The following NCR1 variants were observed in gnomAD, a reference collection of about 807,000 sequenced individuals.
NCR1 encodes natural cytotoxicity triggering receptor 1, also known as NK cell-activating receptor.
NCR1 carries 30 observed loss-of-function variants against 32.5 expected under a neutral mutation model. That is an observed-to-expected ratio of 0.92 (90% CI 0.69 to 1.25). The LOEUF (loss-of-function observed/expected upper bound fraction) is 1.25, where lower values mean the gene tolerates loss of function less well. Ranked by LOEUF, NCR1 falls within the 50% of genes most tolerant of loss-of-function variation. The pLI is 0.00. For missense variants in NCR1, 369 were observed against 380.7 expected, an observed-to-expected ratio of 0.97 and a Z score of 0.26; for synonymous variants, 169 against 143.4, an observed-to-expected ratio of 1.18 and a Z score of -1.28.
chr19:54,927,563 C>G, the NCR1 span: 21 of 1,554,436 alleles, frequency 1.4e-5, no homozygotes, highest in East Asian at 4.3e-4. Context: ...CTCAAAAAAA[C>G]AAAAACAAAA....
chr19:54,923,375 T>G, the NCR1 span: 1 of 357,250 alleles, frequency 2.8e-6, no homozygotes, highest in Non-Finnish European at 5.4e-6. Context: ...ACATGGCGCC[T>G]GAGTTAGGGA....
the NCR1 span, among the ~76,000 whole-genome samples, chr19:54,930,858 G>C: frequency 4.0e-5 from 6 of 151,876 alleles, no homozygotes; most frequent in Non-Finnish European, 4.4e-5. Context: ...TGGGATTATA[G>C]GTGCCCGCCA....
chr19:54,934,090 C>T, the NCR1 span, among the ~76,000 whole-genome samples: 1 of 151,990 alleles, frequency 6.6e-6, no homozygotes, highest in Admixed American at 6.6e-5. This position sits in a 1 kb window ranked among gnomAD's most constrained non-coding sequence, Gnocchi z 6.7. Context: ...ACTACAGGCG[C>T]CCACCACACC....
Position 54,912,773 on chromosome 19 carries a change from C to A in NCR1, c.817C>A (p.Leu273Met), listed in dbSNP as rs758617765. The change falls in exon 7 of 7, where the codon CTG (leucine) becomes ATG (methionine). Residue 273 changes from leucine (L) to methionine (M), a missense_variant. By Grantham distance (15) the Leu-to-Met change is conservative. Transcript: ENST00000291890. The stretch of plus-strand genomic sequence containing the variant: ...AGTCCTGGTGGCTCTAGTGTGGTTC[C>A]TGGTTGAAGACTGGCTCAGCAGGAA... The part of the protein sequence containing the change: ...FLVLVALVWF[L>M]VEDWLSRKRT... 3.7e-6 allele frequency: 6 copies of A among 1,613,950 alleles called. No homozygotes were observed. The highest frequency in any genetic ancestry group is 2.5e-6 in the Non-Finnish European group (3 of 1,180,036).
At chr19:54,922,929 AAGAC>A in the NCR1 span, among the ~76,000 whole-genome samples, 2 of 151,742 alleles carry the variant, frequency 1.3e-5, no homozygotes, top group African/African-American at 2.4e-5. Flanking sequence ...GAGAGACAAA[AAGAC>A]AGACACAGAG....
At chr19:54,903,658 T>C (rs2067376711), upstream of NCR1, among the ~76,000 whole-genome samples, 1 of 145,702 alleles carries the variant, frequency 6.9e-6, no homozygotes, top group Admixed American at 7.1e-5. Flanking sequence ...CATATATGTA[T>C]ATATGTATAC....
downstream of NCR1, among the ~76,000 whole-genome samples, chr19:54,913,391 C>T (rs148806742): frequency 1.3e-3 from 195 of 152,322 alleles, no homozygotes; most frequent in Middle Eastern, 0.027. Flanking sequence ...ATGGTCTCTT[C>T]TAGGCTCTAA....
At chr19:54,901,300 G>T (rs991788817), upstream of NCR1, among the ~76,000 whole-genome samples, 2 of 139,204 alleles carry the variant, frequency 1.4e-5, no homozygotes, top group African/African-American at 5.5e-5. Flanking sequence ...GGCAGAGCTT[G>T]CAGAGAGCCG....
the NCR1 span, among the ~76,000 whole-genome samples, chr19:54,926,205 G>GGTGTGTGTGC: frequency 2.8e-5 from 4 of 143,642 alleles, no homozygotes; most frequent in Non-Finnish European, 4.6e-5. Flanking sequence ...AATGATTAGG[G>GGTGTGTGTGC]GTGTGTGTGT....
chr19:54,927,813 A>C, the NCR1 span: 17 of 1,592,292 alleles, frequency 1.1e-5, no homozygotes, highest in East Asian at 1.8e-4. Flanking sequence ...GCATTCACTG[A>C]GCAGGTAGTG....
At chr19:54,926,216 G>A in the NCR1 span, among the ~76,000 whole-genome samples, 1 of 147,392 alleles carries the variant, frequency 6.8e-6, no homozygotes, top group Non-Finnish European at 1.5e-5. Context: ...GTGTGTGTGT[G>A]TGTGTGTGTG....
At chr19:54,898,390 C>T in the NCR1 span, among the ~76,000 whole-genome samples, 3,032 of 152,188 alleles carry the variant, frequency 0.02, 88 homozygotes, top group African/African-American at 0.069. Context: ...CTGGCAGCTG[C>T]GGTTCAGGCG....
chr19:54,920,998 A>T (rs1437359569), downstream of NCR1, among the ~76,000 whole-genome samples: 3 of 152,194 alleles, frequency 2.0e-5, no homozygotes, highest in East Asian at 5.8e-4. Flanking sequence ...CCACCAAAAA[A>T]AAGACTACTA....
At chr19:54,915,085 G>A (rs2146102727), downstream of NCR1, among the ~76,000 whole-genome samples, 1 of 152,140 alleles carries the variant, frequency 6.6e-6, no homozygotes, top group East Asian at 1.9e-4. Context: ...TTAATTCCCT[G>A]TAACAGCACT....
chr19:54,936,743 C>T, the NCR1 span, among the ~76,000 whole-genome samples: 272 of 152,130 alleles, frequency 1.8e-3, 4 homozygotes, highest in East Asian at 0.033. Context: ...GGGGAAGCCC[C>T]GTCTCTACTA....
At chr19:54,933,443 C>T in the NCR1 span, 479 of 1,242,846 alleles carry the variant, frequency 3.9e-4, 3 homozygotes, top group Admixed American at 2.6e-4. Context: ...CCACGCCTGG[C>T]CTCTGCCTGT....
chr19:54,932,197 G>T, the NCR1 span, among the ~76,000 whole-genome samples: 2 of 152,046 alleles, frequency 1.3e-5, no homozygotes, highest in East Asian at 3.9e-4. Flanking sequence ...GGAGGCCGAG[G>T]CAGGCAGATC....
At chr19:54,899,948 G>C in the NCR1 span, among the ~76,000 whole-genome samples, 1 of 152,210 alleles carries the variant, frequency 6.6e-6, no homozygotes, top group Non-Finnish European at 1.5e-5. Flanking sequence ...CTGAAATTAA[G>C]AGAAGGGAGA....
chr19:54,903,382 GTATA>G (rs1330237708), upstream of NCR1, among the ~76,000 whole-genome samples: 1 of 125,134 alleles, frequency 8.0e-6, no homozygotes, highest in Non-Finnish European at 1.7e-5. Flanking sequence ...ATACATGTAT[GTATA>G]TACATATATG....
Sources: allele counts gnomAD v4.1 joint callset (sites outside exome capture counted in the v4.1 genomes callset), GRCh38; gene constraint gnomAD v4.1.1; non-coding constraint Gnocchi (gnomAD v3.1); transcripts MANE v1.5; gene names NCBI Gene and HGNC (gene_info 2026-07-23, HGNC 2026-07-21).